The following ADCY9 variants were observed in gnomAD, a reference collection of about 807,000 sequenced individuals.
ADCY9 encodes the protein adenylate cyclase type 9.
Under a neutral mutation model 101.5 loss-of-function variants are expected in ADCY9, and 50 were observed. The observed-to-expected ratio is 0.49, with a 90% confidence interval of 0.39 to 0.62. The LOEUF (loss-of-function observed/expected upper bound fraction) is 0.62. Among genes scored for constraint, ADCY9 ranks in the 20% least tolerant of loss-of-function variants. ADCY9 has a pLI of 0.00. For synonymous variants in ADCY9, 905 were observed against 769.3 expected, an observed-to-expected ratio of 1.18 and a Z score of -2.92; for missense variants, 1,662 against 1,800.4, an observed-to-expected ratio of 0.92 and a Z score of 1.39.
chr16:4,049,985 C>G (rs1016987229), intron 2 of ADCY9, among the ~76,000 whole-genome samples: 4 of 146,948 alleles, frequency 2.7e-5, no homozygotes, highest in Admixed American at 6.8e-5. Flanking sequence ...GAGCCGAGAT[C>G]ACACCACTAT....
intron 2 of ADCY9, among the ~76,000 whole-genome samples, chr16:4,016,445 G>T (rs1204785992): frequency 2.0e-5 from 3 of 152,126 alleles, no homozygotes; most frequent in Non-Finnish European, 2.9e-5. Flanking sequence ...GATAGGTCAC[G>T]TCGGCAGAGG....
rs190578831 is a variant in ADCY9, at chr16:3,977,692, G to A, written c.2680-62C>T. 60 of 1,547,522 alleles carry A rather than the reference G, an allele frequency of 3.9e-5. 1 individual carries two copies. The East Asian group carries it at 1.1e-3, about 28-fold the overall frequency. ...CCACCCCGCCACCCCTGCTATACCC[G>A]GCCGCCAAAACATTCGCCACTAATC... On this transcript the variant is annotated intron_variant, in intron 8 of 10. Transcript: ENST00000294016.
At chr16:4,019,247 G>A (rs767859980) in intron 2 of ADCY9, among the ~76,000 whole-genome samples, 2 of 152,126 alleles carry the variant, frequency 1.3e-5, no homozygotes, top group African/African-American at 4.8e-5. Context: ...CTGCCAAAGT[G>A]CTGGAATTAC....
At chr16:4,113,360 TG>T (rs1225314889) in intron 2 of ADCY9, among the ~76,000 whole-genome samples, 2 of 152,214 alleles carry the variant, frequency 1.3e-5, no homozygotes, top group African/African-American at 4.8e-5. Flanking sequence ...GAGAAACATT[TG>T]GATGGGACTT....
At chr16:4,105,005 G>A (rs2057066907) in intron 2 of ADCY9, among the ~76,000 whole-genome samples, 1 of 151,634 alleles carries the variant, frequency 6.6e-6, no homozygotes, top group African/African-American at 2.4e-5. Context: ...GGAGGCAGAG[G>A]TTGCAGTAAG....
At chr16:4,058,993 G>A (rs2141158310) in intron 2 of ADCY9, among the ~76,000 whole-genome samples, 1 of 152,258 alleles carries the variant, frequency 6.6e-6, no homozygotes, top group African/African-American at 2.4e-5. Flanking sequence ...ATTAACAGTG[G>A]CTATCTTTAA....
chr16:4,020,246 T>A (rs2056465987), intron 2 of ADCY9, among the ~76,000 whole-genome samples: 1 of 152,180 alleles, frequency 6.6e-6, no homozygotes, highest in Non-Finnish European at 1.5e-5. Flanking sequence ...AATTATAATT[T>A]AAATTTTAAA....
intron 2 of ADCY9, among the ~76,000 whole-genome samples, chr16:4,015,236 T>C (rs553944437): frequency 1.3e-5 from 2 of 152,168 alleles, no homozygotes; most frequent in Non-Finnish European, 2.9e-5. Flanking sequence ...CGACCGTGCC[T>C]GGCTTGGCTT....
chr16:4,028,482 T>C (rs1036804834), intron 2 of ADCY9, among the ~76,000 whole-genome samples: 6 of 152,156 alleles, frequency 3.9e-5, no homozygotes, highest in East Asian at 1.9e-4. Context: ...AATAAGCTAA[T>C]TGAGAAGTCA....
chr16:3,972,194 G>A (rs1036542780), intron 10 of ADCY9, among the ~76,000 whole-genome samples: 2 of 151,748 alleles, frequency 1.3e-5, no homozygotes, highest in African/African-American at 4.8e-5. Flanking sequence ...AATTCAAATA[G>A]CAAAGATCCA....
chr16:4,070,787 T>C (rs34453134), intron 2 of ADCY9, among the ~76,000 whole-genome samples: 4,447 of 151,090 alleles, frequency 0.029, 110 homozygotes, highest in Non-Finnish European at 0.044. Flanking sequence ...CACACAAAAA[T>C]ACATAAAAAT....
Position 3,966,524 on chromosome 16 carries a change from C to T in ADCY9, c.3313G>A (p.Glu1105Lys). The T allele has an allele frequency of 6.2e-7, 1 of 1,614,156 alleles. No homozygotes were observed. The highest frequency in any genetic ancestry group is 8.5e-7 in the Non-Finnish European group (1 of 1,180,046). ...GTGGCTCCGATGGTCTTGATCTTCTCGATGCTGCTGTAGTCCGGCTTGCTT... is the reference window on the plus strand; with the variant it reads ...GTGGCTCCGATGGTCTTGATCTTCTTGATGCTGCTGTAGTCCGGCTTGCTT... The part of the protein sequence containing the change: ...LLSKPDYSSI[E>K]KIKTIGATYM... The change falls in exon 11 of 11, where the codon GAG becomes AAG. Residue 1105 changes from glutamate (E) to lysine (K), a missense_variant. Physicochemically the swap from Glu to Lys is moderately conservative, Grantham distance 56. Coordinates refer to ENST00000294016, the MANE Select transcript of ADCY9 (RefSeq NM_001116.4).
At chr16:3,984,685 G>A (rs1233897127) in intron 6 of ADCY9, among the ~76,000 whole-genome samples, 1 of 152,224 alleles carries the variant, frequency 6.6e-6, no homozygotes, top group Admixed American at 6.5e-5. Flanking sequence ...AGAGGCTGTG[G>A]TTGGGAGAGG....
intron 2 of ADCY9, among the ~76,000 whole-genome samples, chr16:4,042,845 G>T (rs2056636453): frequency 6.6e-6 from 1 of 152,182 alleles, no homozygotes; most frequent in Non-Finnish European, 1.5e-5. Context: ...GACGATTCCG[G>T]TTTTGGTCTG....
At chr16:4,056,572 G>A (rs1012143894) in intron 2 of ADCY9, among the ~76,000 whole-genome samples, 2 of 152,042 alleles carry the variant, frequency 1.3e-5, no homozygotes, top group African/African-American at 4.8e-5. Context: ...TTTAAAAGGG[G>A]CTTTCGTCCT....
At chr16:4,032,703 G>C (rs2056564208) in intron 2 of ADCY9, 1 of 151,918 alleles carries the variant, frequency 6.6e-6, no homozygotes, top group African/African-American at 2.4e-5. Context: ...TACAGGTGAG[G>C]TTTCACCATG....
At chr16:4,008,377 A>G (rs570260281) in intron 2 of ADCY9, among the ~76,000 whole-genome samples, 117 of 152,320 alleles carry the variant, frequency 7.7e-4, no homozygotes, top group Non-Finnish European at 1.4e-3. Flanking sequence ...TTTTCTAGAA[A>G]GAGCCCAAGG....
chr16:3,997,155 G>A lies in ADCY9; in HGVS notation c.1885-3645C>T, dbSNP rs755854710. Among the ~76,000 whole-genome samples, 20 of 152,292 alleles carry A rather than the reference G, an allele frequency of 1.3e-4. No individual in the cohort carries two copies. In the East Asian group the frequency reaches 1.7e-3, roughly 13 times the overall value. Reference sequence around the variant, plus strand: ...GCTGGGATTACAGGCGTGAGCCACCGTGCCCGGCCAACCCTCCTGTGCTTT... The same window carrying A: ...GCTGGGATTACAGGCGTGAGCCACCATGCCCGGCCAACCCTCCTGTGCTTT... On this transcript the variant is annotated intron_variant, in intron 3 of 10. Coordinates refer to ENST00000294016, the MANE Select transcript of ADCY9 (RefSeq NM_001116.4).
intron 3 of ADCY9, among the ~76,000 whole-genome samples, chr16:4,005,030 A>G (rs1316263195): frequency 6.6e-6 from 1 of 152,074 alleles, no homozygotes; most frequent in African/African-American, 2.4e-5. Context: ...TGACCACATT[A>G]GCCCTGCAAG....
Sources: allele counts gnomAD v4.1 joint callset (sites outside exome capture counted in the v4.1 genomes callset), GRCh38; gene constraint gnomAD v4.1.1; transcripts MANE v1.5; gene names NCBI Gene and HGNC (gene_info 2026-07-23, HGNC 2026-07-21).